Variants in MERTK observed in about 807,000 individuals in gnomAD.
The protein encoded by MERTK is tyrosine-protein kinase Mer.
Under a neutral mutation model 99.3 loss-of-function variants are expected in MERTK, and 69 were observed. The observed-to-expected ratio is 0.70, with a 90% CI of 0.57 to 0.85. The LOEUF (loss-of-function observed/expected upper bound fraction) is 0.85. MERTK is among the 40% of genes least tolerant of loss of function. MERTK has a pLI of 0.00. For missense variants in MERTK, 1,125 were observed against 1,249.4 expected, an observed-to-expected ratio of 0.90 and a Z score of 1.50; for synonymous variants, 426 against 467.6, an observed-to-expected ratio of 0.91 and a Z score of 1.15.
chr2:111,960,708 A>T (rs1479479964), intron 4 of MERTK, among the ~76,000 whole-genome samples: 1 of 151,972 alleles, frequency 6.6e-6, no homozygotes. Context: ...AAACTTTCAA[A>T]TGTGTACCAT....
rs934992094 is a variant in MERTK at position 111,974,232 on chromosome 2, A to AG, written c.961-1057_961-1056insG. Among the ~76,000 whole-genome samples the AG allele has an allele frequency of 6.1e-5, 9 of 147,214 alleles. 1 individual carries two copies. The highest frequency in any genetic ancestry group is 2.2e-4 in the African/African-American group (9 of 40,314). On this transcript the variant is annotated intron_variant, in intron 6 of 18. Coordinates refer to ENST00000295408, the MANE Select transcript of MERTK (RefSeq NM_006343.3). ...GGTGAAACCCCACCTCTACTAAAAA[A>AG]AAAAAAAAAAAAAAAAAAAAGTTAG... is the stretch of plus-strand genomic sequence containing the variant.
intron 14 of MERTK, among the ~76,000 whole-genome samples, chr2:112,009,729 AGCCCTCAT>A (rs1677055424): frequency 1.3e-5 from 2 of 152,188 alleles, no homozygotes; most frequent in South Asian, 4.1e-4. Flanking sequence ...AATTTGTGAC[AGCCCTCAT>A]GCCCTCATTA....
At chr2:111,915,960 T>C (rs1684342685) in intron 1 of MERTK, among the ~76,000 whole-genome samples, 1 of 152,238 alleles carries the variant, frequency 6.6e-6, no homozygotes, top group Admixed American at 6.5e-5. Context: ...GTTTCTGTTA[T>C]TAATATCTGG....
Position 111,898,726 on chromosome 2 carries a change from C to T in MERTK, c.-10C>T, listed in dbSNP as rs1053513651. 7 of 1,605,592 alleles carry T rather than the reference C, an allele frequency of 4.4e-6. No homozygotes were observed. The highest frequency in any genetic ancestry group is 2.2e-5 in the East Asian group (1 of 44,626). ...CGTCCGGAGAGAAATTACAGATCCG[C>T]AGCCCCGGGATGGGGCCGGCCCCGC... On this transcript the variant is annotated 5_prime_UTR_variant, in exon 1 of 19. Transcript: ENST00000295408.
chr2:111,920,390 C>A (rs1358584743), intron 1 of MERTK, among the ~76,000 whole-genome samples: 3 of 152,166 alleles, frequency 2.0e-5, no homozygotes, highest in Non-Finnish European at 4.4e-5. Context: ...GAGCCAGCCA[C>A]CCGCTTTCTC....
chr2:112,013,421 G>A (rs1014074233), intron 15 of MERTK: 3 of 154,308 alleles, frequency 1.9e-5, no homozygotes, highest in Admixed American at 1.3e-4. Context: ...AATTGTTGGC[G>A]ATTTCAGACA....
At chr2:111,905,247 T>C (rs1259832826) in intron 1 of MERTK, among the ~76,000 whole-genome samples, 2 of 152,056 alleles carry the variant, frequency 1.3e-5, no homozygotes, top group Non-Finnish European at 2.9e-5. Context: ...CAGCCATCCC[T>C]TCATGGGAGC....
At chr2:111,931,778 G>T (rs1271001002) in intron 2 of MERTK, among the ~76,000 whole-genome samples, 1 of 152,124 alleles carries the variant, frequency 6.6e-6, no homozygotes, top group Non-Finnish European at 1.5e-5. Flanking sequence ...GTGTCACCTA[G>T]GAGGGGAGCA....
intron 1 of MERTK, among the ~76,000 whole-genome samples, chr2:111,904,522 C>A (rs1272221423): frequency 6.6e-6 from 1 of 151,888 alleles, no homozygotes; most frequent in African/African-American, 2.4e-5. Flanking sequence ...ATTACAGGTG[C>A]CCTCCACCAG....
chr2:111,902,374 A>G (rs1035613956), intron 1 of MERTK, among the ~76,000 whole-genome samples: 10 of 152,228 alleles, frequency 6.6e-5, no homozygotes, highest in African/African-American at 1.9e-4. Context: ...CGCTTTCCAT[A>G]TAATAGCCAG....
intron 1 of MERTK, among the ~76,000 whole-genome samples, chr2:111,902,026 C>T (rs1180628450): frequency 1.3e-5 from 2 of 152,086 alleles, no homozygotes; most frequent in African/African-American, 4.8e-5. Flanking sequence ...GCTGGGATTA[C>T]AGGCATGCAC....
intron 1 of MERTK, among the ~76,000 whole-genome samples, chr2:111,912,259 G>A (rs1026939981): frequency 6.6e-6 from 1 of 151,728 alleles, no homozygotes; most frequent in African/African-American, 2.4e-5. Context: ...TGCCCACCTC[G>A]GTCTCCCAAA....
At chr2:111,970,785 TCC>T (rs1558791425) in intron 6 of MERTK, among the ~76,000 whole-genome samples, 2 of 35,880 alleles carry the variant, frequency 5.6e-5, no homozygotes, top group Admixed American at 3.3e-4. Context: ...CTCCTCCTCC[TCC>T]CTCCTCCTCC....
In MERTK at chr2:111,978,131, TGTTTTGTTTTTTGGTTGTTTTTTG is replaced by T. The variant is rs1558794551; in HGVS notation, c.1144+2660_1144+2683del. On this transcript the variant is annotated intron_variant, in intron 7 of 18. Coordinates refer to ENST00000295408, the MANE Select transcript of MERTK (RefSeq NM_006343.3). ...AGCTAATTTTTGGTTTTTTTTTTTATGTTTTGTTTTTTGGTTGTTTTTTGTTTTTTTTTTTGAGATGGAGTTTCA... is the reference window on the plus strand; with the variant it reads ...AGCTAATTTTTGGTTTTTTTTTTTATTTTTTTTTTTTGAGATGGAGTTTCA... 4.0e-3 allele frequency among the ~76,000 whole-genome samples: 572 copies of T among 143,772 alleles called. 2 individuals carry two copies. Among genetic ancestry groups the T allele is most frequent in the African/African-American group, 0.014 (556 of 38,586 alleles). The allele number at this position is 143,772 out of a possible 152,430, so 94.3% of individuals were successfully genotyped here.
rs183365638 is a variant in MERTK, at chr2:112,009,764, A to T, written c.1961-184A>T. Among the ~76,000 whole-genome samples the T allele has an allele frequency of 9.3e-4, 141 of 152,298 alleles. 1 individual carries two copies. The highest frequency in any genetic ancestry group is 1.2e-3 in the Non-Finnish European group (79 of 68,028). Reference sequence around the variant, plus strand: ...CCCTCATTAATCTGAAAGGGGGAAAAATACCAGTAGTGGACCCTGTGTGTG... The same window carrying T: ...CCCTCATTAATCTGAAAGGGGGAAATATACCAGTAGTGGACCCTGTGTGTG... On this transcript the variant is annotated intron_variant, in intron 14 of 18. Coordinates refer to ENST00000295408, the MANE Select transcript of MERTK (RefSeq NM_006343.3).
intron 1 of MERTK, among the ~76,000 whole-genome samples, chr2:111,901,268 C>A (rs1031258869): frequency 3.3e-5 from 5 of 152,180 alleles, no homozygotes; most frequent in African/African-American, 9.7e-5. Flanking sequence ...GGACTTAGCT[C>A]ATGACGAGGC....
intron 4 of MERTK, among the ~76,000 whole-genome samples, 189 bp from the exon 5 acceptor site, chr2:111,965,002 T>C (rs1256963506): frequency 6.6e-6 from 1 of 152,242 alleles, no homozygotes; most frequent in Non-Finnish European, 1.5e-5. Context: ...ATGGCTACCT[T>C]GCTCTTGGTG....
chr2:111,972,079 G>A (rs1676133387), intron 6 of MERTK, among the ~76,000 whole-genome samples: 1 of 152,152 alleles, frequency 6.6e-6, no homozygotes, highest in Non-Finnish European at 1.5e-5. Context: ...TGCCCAGGCT[G>A]GAATGCAATG....
intron 15 of MERTK, 41 bp downstream of exon 15, chr2:112,010,107 C>G: frequency 2.2e-6 from 3 of 1,346,338 alleles, no homozygotes; most frequent in Non-Finnish European, 3.2e-6. Context: ...CTTCTCAGGG[C>G]TTATGTGACT....
Sources: gnomAD v4.1 joint callset for allele counts (sites outside exome capture counted in the v4.1 genomes callset) on GRCh38, gnomAD v4.1.1 for gene constraint, MANE v1.5 for transcripts, NCBI Gene and HGNC (gene_info 2026-07-23, HGNC 2026-07-21) for gene names.